The following MAP3K15 variants were observed in gnomAD, a reference collection of about 807,000 sequenced individuals.
The protein encoded by MAP3K15 is MAPK/ERK kinase kinase 15.
A neutral mutation model predicts 99.5 loss-of-function variants in MAP3K15; 124 were observed. The ratio of observed to expected loss-of-function variants is 1.25; its 90% CI spans 1.08 to 1.45. The LOEUF is 1.45. Ranked by LOEUF, MAP3K15 falls within the 40% of genes most tolerant of loss-of-function variation. The probability of loss-of-function intolerance (pLI) is 0.00; values close to 1 mark genes in which losing one functional copy is unlikely to be tolerated. For missense variants in MAP3K15, 1,242 were observed against 1,079.7 expected, an observed-to-expected ratio of 1.15 and a Z score of -2.11; for synonymous variants, 494 against 439.6, an observed-to-expected ratio of 1.12 and a Z score of -1.55.
At chrX:19,506,696 G>T (rs1260683655) in intron 1 of MAP3K15, among the ~76,000 whole-genome samples, 2 of 109,520 alleles carry the variant, frequency 1.8e-5, no homozygotes, top group Non-Finnish European at 3.8e-5. Context: ...CTAATTTTTT[G>T]TATTTTTAGT....
At chrX:19,467,033 G>C (rs759265879) in intron 3 of MAP3K15, among the ~76,000 whole-genome samples, 5 of 111,171 alleles carry the variant, frequency 4.5e-5, no homozygotes, top group Non-Finnish European at 9.4e-5. Flanking sequence ...GCTATTGTTA[G>C]TGTATTTTAC....
rs139918877 is a variant in MAP3K15, at chrX:19,438,743, C to T, written c.996-7135G>A. On this transcript the variant is annotated intron_variant, in intron 6 of 28. Transcript: ENST00000338883. ...CTTCTAAGCCAGCCCTGAGCTTTAACACACAAAAGGTCTCATTAGACCAGT... is the reference window on the plus strand; with the variant it reads ...CTTCTAAGCCAGCCCTGAGCTTTAATACACAAAAGGTCTCATTAGACCAGT... Among the ~76,000 whole-genome samples, 884 of 112,348 alleles carry T rather than the reference C, an allele frequency of 7.9e-3. 6 individuals carry two copies. Among genetic ancestry groups the T allele is most frequent in the African/African-American group, 0.027 (845 of 30,979 alleles).
intron 6 of MAP3K15, among the ~76,000 whole-genome samples, chrX:19,448,159 T>A (rs1264896681): frequency 9.2e-6 from 1 of 108,468 alleles, no homozygotes; most frequent in Non-Finnish European, 1.9e-5. Context: ...TCCAGTTTGG[T>A]CTTCCTGACT....
Position 19,469,386 on chromosome X carries a change from T to C in MAP3K15, c.526-4980A>G, listed in dbSNP as rs866611338. On this transcript the variant is annotated intron_variant, in intron 3 of 28. Coordinates refer to ENST00000338883, the MANE Select transcript of MAP3K15 (RefSeq NM_001001671.4). ...AACTGGATCCCTTCCTTACACCTTA[T>C]ACACAAATTAATTCAAGATGGATTA... Among the ~76,000 whole-genome samples, 24 of 112,089 alleles carry C rather than the reference T, an allele frequency of 2.1e-4. No individual in the cohort carries two copies. The South Asian group carries it at 6.3e-3, about 29-fold the overall frequency.
intron 12 of MAP3K15, among the ~76,000 whole-genome samples, chrX:19,408,076 G>A (rs2063660048): frequency 8.9e-6 from 1 of 112,129 alleles, no homozygotes; most frequent in Admixed American, 9.5e-5. Flanking sequence ...GTACAGAGGA[G>A]ATTCAAAAAG....
intron 5 of MAP3K15, 47 bp from the exon 6 acceptor site, chrX:19,457,066 T>C: frequency 1.1e-6 from 1 of 925,261 alleles, no homozygotes; most frequent in Non-Finnish European, 1.5e-6. Context: ...AACACAGCTC[T>C]TCACTGATTT....
intron 16 of MAP3K15, among the ~76,000 whole-genome samples, chrX:19,394,863 G>T (rs12851626): frequency 1.2e-5 from 1 of 83,987 alleles, no homozygotes; most frequent in African/African-American, 4.8e-5. Context: ...TTGCTCTGTC[G>T]CCCAGGCTGG....
chrX:19,362,471 T>C (rs915992047), intron 26 of MAP3K15, among the ~76,000 whole-genome samples: 2 of 110,441 alleles, frequency 1.8e-5, no homozygotes, highest in Admixed American at 9.7e-5. Flanking sequence ...CTGGGTTCAA[T>C]TGATCTGCTA....
intron 15 of MAP3K15, among the ~76,000 whole-genome samples, chrX:19,395,419 C>T (rs1348042539): frequency 8.9e-6 from 1 of 112,149 alleles, no homozygotes; most frequent in African/African-American, 3.2e-5. Context: ...AAGGCATGTC[C>T]ATTTCATTAA....
At position 19,362,819 on chromosome X, in the gene MAP3K15, C is replaced by CT; in HGVS notation, c.3597dup (p.Glu1200ArgfsTer43). On this transcript the variant is annotated frameshift_variant, in exon 26 of 29. Coordinates refer to ENST00000338883, the MANE Select transcript of MAP3K15 (RefSeq NM_001001671.4). LOFTEE classifies it high-confidence loss of function. ...GTTTGCCGCAGAAGATTCTGGTACT[C>CT]TCTCTCTTTTTCAACTAGGTGTTCC... The CT allele has an allele frequency of 1.7e-6, 2 of 1,171,298 alleles. No homozygotes were observed. Among genetic ancestry groups the CT allele is most frequent in the Non-Finnish European group, 2.3e-6 (2 of 866,746 alleles).
intron 1 of MAP3K15, chrX:19,497,819 AC>A (rs1248664528): frequency 9.0e-6 from 1 of 111,140 alleles, no homozygotes; most frequent in Non-Finnish European, 1.9e-5. Context: ...TACTACTACT[AC>A]ATGACAAAAC....
At chrX:19,468,769 T>A (rs1879565200) in intron 3 of MAP3K15, among the ~76,000 whole-genome samples, 1 of 111,873 alleles carries the variant, frequency 8.9e-6, no homozygotes, top group East Asian at 2.8e-4. Context: ...TTCTTCCATT[T>A]GTTTGTATCC....
At chrX:19,415,057 C>A in intron 10 of MAP3K15, 50 bp downstream of exon 10, 1 of 1,041,199 alleles carries the variant, frequency 9.6e-7, no homozygotes, top group African/African-American at 1.9e-5. Flanking sequence ...TAGCACCAAT[C>A]CCTAGTTTTT....
At chrX:19,362,407 C>G (rs2063297922) in intron 26 of MAP3K15, among the ~76,000 whole-genome samples, 1 of 108,795 alleles carries the variant, frequency 9.2e-6, no homozygotes, top group Non-Finnish European at 1.9e-5. Context: ...TGGTTTTTTT[C>G]TATTTTTTGT....
Position 19,361,462 on chromosome X carries a change from C to G in MAP3K15, c.3780+31G>C, listed in dbSNP as rs769886359. Reference sequence around the variant, plus strand: ...TAAGAGCTGAGCAGCTGTGTAACAACAGCATAAGAATTTCTTTGTTGTAAA... The same window carrying G: ...TAAGAGCTGAGCAGCTGTGTAACAAGAGCATAAGAATTTCTTTGTTGTAAA... On this transcript the variant is annotated intron_variant, in intron 27 of 28. Transcript: ENST00000338883. The G allele has an allele frequency of 1.1e-5, 13 of 1,194,781 alleles. No homozygotes were observed. The East Asian group carries it at 1.5e-4, about 14-fold the overall frequency.
intron 10 of MAP3K15, among the ~76,000 whole-genome samples, chrX:19,414,831 C>T (rs2063719994): frequency 9.0e-6 from 1 of 111,623 alleles, no homozygotes; most frequent in African/African-American, 3.3e-5. Flanking sequence ...ACCTTCTCCC[C>T]AAGTCATGAC....
Position 19,369,230 on chromosome X carries a change from C to T in MAP3K15, c.3401-11G>A, listed in dbSNP as rs2063357320. On this transcript the variant is annotated splice_polypyrimidine_tract_variant and intron_variant, in intron 24 of 28. Transcript: ENST00000338883. ...AGTGGGCTCGGAGCTCTGCAAATCA[C>T]ACAAGACATGACAATGGTGAGCAAA... The T allele has an allele frequency of 8.3e-7, 1 of 1,211,258 alleles. No individual in the cohort carries two copies. The highest frequency in any genetic ancestry group is 1.8e-5 in the South Asian group (1 of 57,001).
At chrX:19,422,549 G>A (rs2063796111) in intron 9 of MAP3K15, among the ~76,000 whole-genome samples, 1 of 111,879 alleles carries the variant, frequency 8.9e-6, no homozygotes, top group African/African-American at 3.3e-5. Context: ...AGAGGATGTG[G>A]AGAAATAGGA....
chrX:19,376,031 A>G (rs757573068), intron 19 of MAP3K15, among the ~76,000 whole-genome samples: 1 of 112,003 alleles, frequency 8.9e-6, no homozygotes, highest in South Asian at 3.7e-4. Context: ...AAGAACATGA[A>G]AAGGAAAGGG....
Sources: allele counts gnomAD v4.1 joint callset (sites outside exome capture counted in the v4.1 genomes callset), GRCh38; gene constraint gnomAD v4.1.1; transcripts MANE v1.5; gene names NCBI Gene and HGNC (gene_info 2026-07-23, HGNC 2026-07-21).